FAT3: variants seen among roughly 807,000 people sequenced by gnomAD.
FAT3 encodes FAT atypical cadherin 3.
Under a neutral mutation model 310.2 loss-of-function variants are expected in FAT3, and 95 were observed. The ratio of observed to expected loss-of-function variants is 0.31; its 90% CI spans 0.26 to 0.36. The LOEUF (loss-of-function observed/expected upper bound fraction) is 0.36, where lower values mean the gene tolerates loss of function less well. FAT3 is among the 10% of genes least tolerant of loss of function. The pLI is 1.00. For synonymous variants in FAT3, 2,314 were observed against 2,192.9 expected (o/e 1.06, Z -1.54); for missense variants, 5,408 against 5,715.6 (o/e 0.95, Z 1.74).
rs1055686808 is a variant in FAT3, at chr11:92,674,168, G to A, written c.3608-23216G>A. On this transcript the variant is annotated intron_variant, in intron 3 of 27. Transcript: ENST00000525166. ...TGCACTTCAGCCTGGTTGACAGAGT[G>A]AGACTCCATCTCAAAATAATAATAA... Among the ~76,000 whole-genome samples the A allele has an allele frequency of 4.8e-5, 7 of 146,794 alleles. No homozygotes were observed. The East Asian group carries it at 1.4e-3, about 29-fold the overall frequency.
rs773664391 is a variant in FAT3, at chr11:92,774,077, G to C, written c.4232G>C (p.Gly1411Ala). Reference sequence around the variant, plus strand: ...GACAGCGCTTTTGATGCAGAGAAGGGTGTTGGGACAATTGTCATCGCAAAA... The same window carrying C: ...GACAGCGCTTTTGATGCAGAGAAGGCTGTTGGGACAATTGTCATCGCAAAA... ...NFDSAFDAEK[G>A]VGTIVIAKPL... The change falls in exon 7 of 28, where the codon GGT (glycine) becomes GCT (alanine). Residue 1411 changes from glycine to alanine, a missense_variant. By Grantham distance (60) the Gly-to-Ala change is moderately conservative. Coordinates refer to ENST00000525166, the MANE Select transcript of FAT3 (RefSeq NM_001367949.2). The C allele has an allele frequency of 6.2e-7, 1 of 1,613,742 alleles. No individual in the cohort carries two copies. The highest frequency in any genetic ancestry group is 1.1e-5 in the South Asian group (1 of 91,068).
chr11:92,499,350 G>C (rs1041317577), intron 2 of FAT3, among the ~76,000 whole-genome samples: 9 of 152,022 alleles, frequency 5.9e-5, no homozygotes, highest in African/African-American at 2.2e-4. Context: ...TGCTGGCTTG[G>C]AATCATGTAT....
At chr11:92,857,908 T>C (rs1015995407) in intron 20 of FAT3, among the ~76,000 whole-genome samples, 3 of 152,218 alleles carry the variant, frequency 2.0e-5, no homozygotes, top group Non-Finnish European at 4.4e-5. Context: ...TTTAAGTTAT[T>C]TTAATCTAAA....
intron 3 of FAT3, among the ~76,000 whole-genome samples, chr11:92,631,170 C>T (rs496123): frequency 0.72 from 109,738 of 152,122 alleles, 40,767 homozygotes; most frequent in African/African-American, 0.91. Context: ...TCTAGTTTTA[C>T]TGCTATAAAT....
At position 92,884,362 on chromosome 11, in the gene FAT3, G is replaced by A. The variant is rs150764449; in HGVS notation, c.12937+969G>A. ...TTCCCAAAAAGGGAAGAAAGCAGAGGGCCAGTAAGGTACTCTCTGTGAACA... is the reference window on the plus strand; with the variant it reads ...TTCCCAAAAAGGGAAGAAAGCAGAGAGCCAGTAAGGTACTCTCTGTGAACA... On this transcript the variant is annotated intron_variant, in intron 24 of 27. Transcript: ENST00000525166. 7.4e-3 allele frequency among the ~76,000 whole-genome samples: 1,128 copies of A among 152,276 alleles called. 15 individuals carry two copies. The highest frequency in any genetic ancestry group is 0.026 in the African/African-American group (1,079 of 41,540).
At chr11:92,429,731 C>T (rs1950722979) in intron 2 of FAT3, among the ~76,000 whole-genome samples, 1 of 152,202 alleles carries the variant, frequency 6.6e-6, no homozygotes, top group Non-Finnish European at 1.5e-5. Flanking sequence ...TGTAAGGTTT[C>T]TGCAGAGAGA....
rs760202396 is a variant in FAT3 at position 92,798,726 on chromosome 11, G to A, written c.5713G>A (p.Val1905Ile). 1.9e-6 allele frequency: 3 copies of A among 1,613,834 alleles called. No homozygotes were observed. Among genetic ancestry groups the A allele is most frequent in the Non-Finnish European group, 1.7e-6 (2 of 1,179,842 alleles). ...PTYVGVEVLK[V>I]SATDPDSEVP... The stretch of plus-strand genomic sequence containing the variant: ...CTATGTTGGAGTGGAGGTTCTGAAA[G>A]TTAGTGCCACAGATCCTGACTCTGA... The change falls in exon 10 of 28, where the codon GTT (valine) becomes ATT (isoleucine). Residue 1905 changes from valine (V) to isoleucine (I), a missense_variant. Physicochemically the swap from Val to Ile is conservative, Grantham distance 29. This residue lies in a region of FAT3 where 4,588 missense variants were observed against 4,809.8 expected (regional missense o/e 0.95). Transcript: ENST00000525166.
chr11:92,559,560 A>G (rs923108153), intron 3 of FAT3: 2 of 259,866 alleles, frequency 7.7e-6, no homozygotes, highest in Admixed American at 9.7e-5. Context: ...ACTTTTTTAA[A>G]TAGTTGAGAG....
chr11:92,455,661 T>A (rs367669074), intron 2 of FAT3, among the ~76,000 whole-genome samples: 1 of 152,130 alleles, frequency 6.6e-6, no homozygotes, highest in South Asian at 2.1e-4. Context: ...AGTGGTGATA[T>A]AAAGCACAAA....
chr11:92,493,030 T>G (rs1387026387), intron 2 of FAT3, among the ~76,000 whole-genome samples: 1 of 152,070 alleles, frequency 6.6e-6, no homozygotes, highest in Non-Finnish European at 1.5e-5. Flanking sequence ...TCCCTCAAAC[T>G]TAAGTAGATT....
chr11:92,860,085 C>A (rs1030097840), intron 21 of FAT3, among the ~76,000 whole-genome samples: 1 of 152,144 alleles, frequency 6.6e-6, no homozygotes, highest in Non-Finnish European at 1.5e-5. Context: ...ACCTATAATC[C>A]CAGCTACTTG....
At chr11:92,725,549 A>C (rs1003023994) in intron 4 of FAT3, among the ~76,000 whole-genome samples, 2 of 152,036 alleles carry the variant, frequency 1.3e-5, no homozygotes, top group African/African-American at 2.4e-5. Context: ...CTAATAGAAG[A>C]AAAAAAAGAA....
intron 2 of FAT3, among the ~76,000 whole-genome samples, chr11:92,508,410 G>A (rs1339264053): frequency 6.6e-6 from 1 of 152,102 alleles, no homozygotes; most frequent in Non-Finnish European, 1.5e-5. Flanking sequence ...TATGAGATTT[G>A]TATCAGGGTT....
intron 2 of FAT3, among the ~76,000 whole-genome samples, chr11:92,416,451 A>G (rs1398745246): frequency 6.6e-6 from 1 of 152,100 alleles, no homozygotes; most frequent in Non-Finnish European, 1.5e-5. Context: ...TAATTAATTT[A>G]TATGACACTC....
Position 92,304,018 on chromosome 11 carries a change from G to C in FAT3, c.-17-48078G>C, listed in dbSNP as rs147609858. 2.6e-5 allele frequency among the ~76,000 whole-genome samples: 4 copies of C among 152,228 alleles called. No homozygotes were observed. In the East Asian group the frequency reaches 7.8e-4, roughly 30 times the overall value. Reference sequence around the variant, plus strand: ...TTTGATATTTTAACGGTTTGAAAAAGGAGTTTTAGAATATGTATCTGGAAA... The same window carrying C: ...TTTGATATTTTAACGGTTTGAAAAACGAGTTTTAGAATATGTATCTGGAAA... On this transcript the variant is annotated intron_variant, in intron 1 of 27. Coordinates refer to ENST00000525166, the MANE Select transcript of FAT3 (RefSeq NM_001367949.2).
chr11:92,443,675 G>T (rs563942460), intron 2 of FAT3, among the ~76,000 whole-genome samples: 1 of 152,228 alleles, frequency 6.6e-6, no homozygotes, highest in Admixed American at 6.5e-5. Context: ...GCAAGAAACT[G>T]ATCTATTCTG....
At chr11:92,322,802 G>A (rs1230241199) in intron 1 of FAT3, among the ~76,000 whole-genome samples, 5 of 152,092 alleles carry the variant, frequency 3.3e-5, no homozygotes, top group Non-Finnish European at 5.9e-5. Context: ...TGTGATTCTA[G>A]TTCTCTCGCT....
intron 19 of FAT3, among the ~76,000 whole-genome samples, chr11:92,855,814 C>T (rs1208196243): frequency 1.3e-5 from 2 of 152,136 alleles, no homozygotes; most frequent in Non-Finnish European, 2.9e-5. Flanking sequence ...TCTTTTATGA[C>T]TGAGCTGTAA....
chr11:92,548,640 G>C (rs948265541), intron 3 of FAT3, among the ~76,000 whole-genome samples: 11 of 152,098 alleles, frequency 7.2e-5, no homozygotes, highest in Admixed American at 4.6e-4. Flanking sequence ...CAAAGTACTT[G>C]GCACATAGAT....
Sources: gnomAD v4.1 joint callset for allele counts (sites outside exome capture counted in the v4.1 genomes callset) on GRCh38, gnomAD v4.1.1 for gene constraint, gnomAD v4.1.1 regional missense constraint, MANE v1.5 for transcripts, NCBI Gene and HGNC (gene_info 2026-07-23, HGNC 2026-07-21) for gene names.